Variants in SYNGR1 observed in about 807,000 individuals in gnomAD.
The protein encoded by SYNGR1 is synaptogyrin-1.
In SYNGR1, 14 loss-of-function variants were observed where a neutral mutation model predicts 26.1. The observed-to-expected ratio is 0.54, with a 90% confidence interval of 0.35 to 0.84. The LOEUF (loss-of-function observed/expected upper bound fraction) is 0.84. Among genes scored for constraint, SYNGR1 ranks in the 40% least tolerant of loss-of-function variants. The pLI, the probability that SYNGR1 is intolerant of heterozygous loss-of-function variation, is 0.01. For synonymous variants in SYNGR1, 141 were observed against 150.1 expected, an observed-to-expected ratio of 0.94 and a Z score of 0.44; for missense variants, 319 against 332.9, an observed-to-expected ratio of 0.96 and a Z score of 0.33.
At chr22:39,378,302 C>A in intron 3 of SYNGR1, 1 of 960,430 alleles carries the variant, frequency 1.0e-6, no homozygotes, top group Non-Finnish European at 1.2e-6. Context: ...CCTCTCAAGG[C>A]TGTTGTGCCA....
intron 1 of SYNGR1, among the ~76,000 whole-genome samples, chr22:39,373,887 A>G (rs756263982): frequency 6.6e-6 from 1 of 152,170 alleles, no homozygotes; most frequent in Non-Finnish European, 1.5e-5. Flanking sequence ...AGAACACAAG[A>G]TGGGGCCCGG....
Position 39,357,611 on chromosome 22 carries a change from TGGCGGGCCCCGCCCTCG to T in SYNGR1, c.99+7504_99+7520del, listed in dbSNP as rs1924208161. 2.0e-5 allele frequency among the ~76,000 whole-genome samples: 3 copies of T among 147,222 alleles called. No homozygotes were observed. In the East Asian group the frequency reaches 6.2e-4, roughly 31 times the overall value. On this transcript the variant is annotated intron_variant, in intron 1 of 3. Transcript: ENST00000328933. ...CTGGAGTTCCGGGTGGGCGTGGGCT[TGGCGGGCCCCGCCCTCG>T]GAGCAGCCGGCCAGCCCTGCTGGCC...
chr22:39,351,546 A>C (rs1923907504), intron 1 of SYNGR1, among the ~76,000 whole-genome samples: 1 of 152,192 alleles, frequency 6.6e-6, no homozygotes, highest in Admixed American at 6.5e-5. Context: ...CCCTTGCCAA[A>C]GGTGGGAGCC....
intron 3 of SYNGR1, 123 bp from the exon 4 acceptor site, chr22:39,381,573 G>A (rs547804286): frequency 2.7e-4 from 264 of 978,438 alleles, no homozygotes; most frequent in Middle Eastern, 1.7e-3. Context: ...GTGCTTTGAG[G>A]ATCTTTAACC....
chr22:39,358,721 C>T (rs1924307778), intron 1 of SYNGR1, among the ~76,000 whole-genome samples: 1 of 152,162 alleles, frequency 6.6e-6, no homozygotes, highest in African/African-American at 2.4e-5. Context: ...AGAGCTGTAA[C>T]ACTCACCGAG....
At chr22:39,377,507 C>T in intron 3 of SYNGR1, 6 of 1,555,952 alleles carry the variant, frequency 3.9e-6, no homozygotes, top group Non-Finnish European at 5.2e-6. Context: ...ACCTGACCAA[C>T]AGGTGCCTGC....
At chr22:39,369,539 C>T (rs1445062442) in intron 1 of SYNGR1, among the ~76,000 whole-genome samples, 1 of 152,150 alleles carries the variant, frequency 6.6e-6, no homozygotes, top group Admixed American at 6.5e-5. Context: ...TCCATCCCTT[C>T]TTCAGGGCCC....
In SYNGR1 at chr22:39,384,579, G is replaced by A; in HGVS notation, c.*2665G>A. The A allele has an allele frequency of 2.5e-6, 1 of 398,800 alleles. No homozygotes were observed. The highest frequency in any genetic ancestry group is 4.4e-6 in the Non-Finnish European group (1 of 226,080). 24.7% of individuals were successfully genotyped at this position (398,800 alleles called of 1,614,324 possible). ...CTGACTCTGCCCTGGAAGGTTCATGGGGAAACTCGCTCCTTCTGTTGGCAG... is the reference window on the plus strand; with the variant it reads ...CTGACTCTGCCCTGGAAGGTTCATGAGGAAACTCGCTCCTTCTGTTGGCAG... On this transcript the variant is annotated 3_prime_UTR_variant, in exon 4 of 4. Transcript: ENST00000328933.
chr22:39,385,017 C>G lies in SYNGR1; in HGVS notation c.*3103C>G. ...TTCCCAGGGGACTGACGTTAGTTCCCTACTCCATCCTTCCCTGGTGATTCT... is the reference window on the plus strand; with the variant it reads ...TTCCCAGGGGACTGACGTTAGTTCCGTACTCCATCCTTCCCTGGTGATTCT... On this transcript the variant is annotated 3_prime_UTR_variant, in exon 4 of 4. Coordinates refer to ENST00000328933, the MANE Select transcript of SYNGR1 (RefSeq NM_004711.5). The G allele has an allele frequency of 2.5e-6, 1 of 398,862 alleles. No homozygotes were observed. The allele number at this position is 398,862 out of a possible 1,614,324, so 24.7% of individuals were successfully genotyped here. A position where few individuals can be genotyped will look rare whatever the true frequency, so the allele number is the denominator to read the frequency against.
intron 1 of SYNGR1, among the ~76,000 whole-genome samples, chr22:39,352,114 A>T (rs1435445524): frequency 1.3e-5 from 2 of 152,196 alleles, no homozygotes; most frequent in Admixed American, 6.5e-5. Context: ...ATTTGAGCCT[A>T]GGTCTTCCTG....
In SYNGR1 at chr22:39,384,349, G is replaced by A. The variant is rs1043046050; in HGVS notation, c.*2435G>A. 2.5e-6 allele frequency: 1 copy of A among 396,650 alleles called. No homozygotes were observed. The highest frequency in any genetic ancestry group is 2.1e-5 in the African/African-American group (1 of 48,710). The allele number at this position is 396,650 out of a possible 1,614,324, so 24.6% of individuals were successfully genotyped here. A position where few individuals can be genotyped will look rare whatever the true frequency, so the allele number is the denominator to read the frequency against. On this transcript the variant is annotated 3_prime_UTR_variant, in exon 4 of 4. Transcript: ENST00000328933. ...TGACAGGCCCTGCCTGCCACCCTAG[G>A]CAGGGAAAGCTGTCAAGACTCCTGC...
At chr22:39,358,929 GGA>G (rs1356798206) in intron 1 of SYNGR1, among the ~76,000 whole-genome samples, 3 of 152,238 alleles carry the variant, frequency 2.0e-5, no homozygotes, top group Non-Finnish European at 2.9e-5. Context: ...AAGGGGACCT[GGA>G]GAGAGGGGCG....
In SYNGR1 at chr22:39,384,740, G is replaced by A. The variant is rs1399548662; in HGVS notation, c.*2826G>A. ...CTCCTGCAGCTGGACCCTGCAGGGT[G>A]GCTCCCTCCTCCCCATCAAGCACAA... On this transcript the variant is annotated 3_prime_UTR_variant, in exon 4 of 4. Transcript: ENST00000328933. 2 of 398,954 alleles carry A rather than the reference G, an allele frequency of 5.0e-6. No homozygotes were observed. Among genetic ancestry groups the A allele is most frequent in the Admixed American group, 4.4e-5 (1 of 22,714 alleles). The allele number at this position is 398,954 out of a possible 1,614,324, so 24.7% of individuals were successfully genotyped here.
intron 1 of SYNGR1, among the ~76,000 whole-genome samples, chr22:39,356,600 G>A (rs977661946): frequency 6.6e-6 from 1 of 152,144 alleles, no homozygotes; most frequent in Non-Finnish European, 1.5e-5. Flanking sequence ...AAGAGAGGAG[G>A]AGAAGCCAGG....
At chr22:39,369,633 T>C (rs999826142) in intron 1 of SYNGR1, among the ~76,000 whole-genome samples, 2 of 152,258 alleles carry the variant, frequency 1.3e-5, no homozygotes, top group African/African-American at 4.8e-5. Flanking sequence ...AACTTCAGCC[T>C]GTGCTGCTGA....
chr22:39,366,420 C>T (rs544989611), intron 1 of SYNGR1, among the ~76,000 whole-genome samples: 7 of 152,022 alleles, frequency 4.6e-5, no homozygotes, highest in South Asian at 2.1e-4. Context: ...CCAAGGCGGG[C>T]GGATTGCCTG....
At chr22:39,352,392 CAT>C (rs1923945354) in intron 1 of SYNGR1, among the ~76,000 whole-genome samples, 1 of 152,150 alleles carries the variant, frequency 6.6e-6, no homozygotes, top group East Asian at 1.9e-4. Flanking sequence ...ATAAAAATCA[CAT>C]GTGATGGTTG....
At chr22:39,364,923 T>C (rs1175227878) in intron 1 of SYNGR1, among the ~76,000 whole-genome samples, 3 of 152,216 alleles carry the variant, frequency 2.0e-5, no homozygotes. Context: ...GGAATCCGTT[T>C]TTAAAAAAGA....
intron 1 of SYNGR1, among the ~76,000 whole-genome samples, chr22:39,372,539 C>G (rs1390013386): frequency 6.7e-6 from 1 of 150,268 alleles, no homozygotes; most frequent in Non-Finnish European, 1.5e-5. Flanking sequence ...CAACCTCCGC[C>G]CAGGCCCAGC....
Sources: allele counts gnomAD v4.1 joint callset (sites outside exome capture counted in the v4.1 genomes callset), GRCh38; gene constraint gnomAD v4.1.1; transcripts MANE v1.5; gene names NCBI Gene and HGNC (gene_info 2026-07-23, HGNC 2026-07-21).